Variants in JHY observed in about 807,000 individuals in gnomAD.
JHY encodes the protein jhy protein homolog.
A neutral mutation model predicts 78.0 loss-of-function variants in JHY; 69 were observed. That is an observed-to-expected ratio of 0.88 (90% CI 0.73 to 1.08). The LOEUF is 1.08. JHY is among the 50% of genes least tolerant of loss of function. The probability of loss-of-function intolerance (pLI) is 0.00; values close to 1 mark genes in which losing one functional copy is unlikely to be tolerated. For missense variants in JHY, 944 were observed against 927.8 expected, an observed-to-expected ratio of 1.02 and a Z score of -0.23; for synonymous variants, 368 against 342.6, an observed-to-expected ratio of 1.07 and a Z score of -0.82.
At chr11:122,899,849 A>G (rs548574954) in intron 2 of JHY, among the ~76,000 whole-genome samples, 1 of 152,256 alleles carries the variant, frequency 6.6e-6, no homozygotes, top group Non-Finnish European at 1.5e-5. Flanking sequence ...TTTGCCAACC[A>G]ATGCAGAACA....
At chr11:122,918,936 T>C (rs1863293461) in intron 3 of JHY, among the ~76,000 whole-genome samples, 1 of 152,046 alleles carries the variant, frequency 6.6e-6, no homozygotes, top group Admixed American at 6.5e-5. Context: ...AAAAGCAAAG[T>C]ACAGAGTACT....
At chr11:122,931,303 C>T (rs1427025881) in intron 4 of JHY, among the ~76,000 whole-genome samples, 1 of 152,168 alleles carries the variant, frequency 6.6e-6, no homozygotes, top group Non-Finnish European at 1.5e-5. Context: ...TAACTCTTAG[C>T]TTTCCAGGCA....
chr11:122,934,341 TAA>T (rs1219862490), intron 4 of JHY, 77 bp from the exon 5 acceptor site: 171 of 682,272 alleles, frequency 2.5e-4, no homozygotes, highest in Middle Eastern at 1.6e-3. Context: ...AATAAATAAA[TAA>T]ATAAATAAAT....
In JHY at chr11:122,963,327, A is replaced by C. The variant is rs1864350456; in HGVS notation, c.*3882A>C. On this transcript the variant is annotated 3_prime_UTR_variant, in exon 9 of 9. Coordinates refer to ENST00000227349, the MANE Select transcript of JHY (RefSeq NM_024806.4). ...ACATTTCACAGGATTCTTACCCCCA[A>C]GGCAACTCTTTACTATCCAGTACAT... Among the ~76,000 whole-genome samples, 2 of 152,278 alleles carry C rather than the reference A, an allele frequency of 1.3e-5. No homozygotes were observed. The highest frequency in any genetic ancestry group is 4.8e-5 in the African/African-American group (2 of 41,560).
intron 3 of JHY, among the ~76,000 whole-genome samples, chr11:122,906,248 C>T (rs1012076640): frequency 2.6e-5 from 4 of 152,162 alleles, no homozygotes; most frequent in Non-Finnish European, 4.4e-5. Context: ...AATGCAATCG[C>T]ACGATCATAG....
chr11:122,890,619 A>G (rs1360206656), intron 2 of JHY, among the ~76,000 whole-genome samples: 1 of 152,200 alleles, frequency 6.6e-6, no homozygotes, highest in Non-Finnish European at 1.5e-5. Context: ...CCTTTTGTCC[A>G]GTGCTCAGGG....
At chr11:122,930,681 C>T (rs1326166605) in intron 4 of JHY, among the ~76,000 whole-genome samples, 1 of 152,280 alleles carries the variant, frequency 6.6e-6, no homozygotes, top group East Asian at 1.9e-4. Context: ...CGTCCTGAAT[C>T]GCTTCGCACT....
At chr11:122,915,757 A>G (rs988023000) in intron 3 of JHY, among the ~76,000 whole-genome samples, 1 of 151,636 alleles carries the variant, frequency 6.6e-6, no homozygotes, top group Non-Finnish European at 1.5e-5. Context: ...CAAGTGATCC[A>G]CCCGCCTCAG....
chr11:122,912,724 G>A (rs1863157936), intron 3 of JHY, among the ~76,000 whole-genome samples: 1 of 152,086 alleles, frequency 6.6e-6, no homozygotes, highest in Non-Finnish European at 1.5e-5. Context: ...GGATAACAGA[G>A]TAAGACTCTG....
At chr11:122,905,184 G>A (rs768079265) in intron 3 of JHY, 65 of 1,613,802 alleles carry the variant, frequency 4.0e-5, no homozygotes, top group Non-Finnish European at 4.8e-5. Flanking sequence ...CATTTTGAGA[G>A]TAAATTCTCT....
rs541352761 is a variant in JHY at position 122,937,348 on chromosome 11, T to C, written c.1634+2273T>C. Among the ~76,000 whole-genome samples the C allele has an allele frequency of 1.5e-3, 227 of 152,096 alleles. 1 individual carries two copies. Among genetic ancestry groups the C allele is most frequent in the African/African-American group, 5.2e-3 (217 of 41,482 alleles). ...TTGATCCTACGCTTATGAGTAGCCT[T>C]TTAGTATAAGTTTCCATAAGGACAA... On this transcript the variant is annotated intron_variant, in intron 5 of 8. Transcript: ENST00000227349.
Position 122,883,628 on chromosome 11 carries a change from G to C in JHY, c.-90+656G>C, listed in dbSNP as rs1862434323. Among the ~76,000 whole-genome samples, 3 of 151,626 alleles carry C rather than the reference G, an allele frequency of 2.0e-5. No homozygotes were observed. ...GACGGGAGGAGGGAGCCACATTCATGAAATTTAAACGCCCACTTTCTAACT... is the reference window on the plus strand; with the variant it reads ...GACGGGAGGAGGGAGCCACATTCATCAAATTTAAACGCCCACTTTCTAACT... On this transcript the variant is annotated intron_variant, in intron 1 of 8. Transcript: ENST00000227349. The surrounding 1 kb of genome is among the most constrained non-coding windows in gnomAD (Gnocchi z 4.4).
chr11:122,912,545 G>A (rs1863153517), intron 3 of JHY, among the ~76,000 whole-genome samples: 2 of 152,046 alleles, frequency 1.3e-5, no homozygotes, highest in African/African-American at 4.8e-5. Context: ...TGGCTCTTCA[G>A]CATAGCCCGT....
intron 6 of JHY, among the ~76,000 whole-genome samples, chr11:122,948,759 G>A (rs574964710): frequency 4.6e-5 from 7 of 152,170 alleles, no homozygotes; most frequent in Non-Finnish European, 7.4e-5. Flanking sequence ...TCAGAACTGC[G>A]TCTTAGAGGG....
At position 122,935,856 on chromosome 11, in the gene JHY, T is replaced by C. The variant is rs948890497; in HGVS notation, c.1634+781T>C. On this transcript the variant is annotated intron_variant, in intron 5 of 8. Transcript: ENST00000227349. The surrounding 1 kb of genome is among the most constrained non-coding windows in gnomAD (Gnocchi z 4.5). ...AGTATCATGGAACCACTAAAAATTATGGTTATGAGGAAATGCTTCTATAGG... is the reference window on the plus strand; with the variant it reads ...AGTATCATGGAACCACTAAAAATTACGGTTATGAGGAAATGCTTCTATAGG... 6.6e-6 allele frequency among the ~76,000 whole-genome samples: 1 copy of C among 152,178 alleles called. No individual in the cohort carries two copies. The highest frequency in any genetic ancestry group is 2.4e-5 in the African/African-American group (1 of 41,448).
At chr11:122,925,094 T>A in intron 4 of JHY, 84 bp downstream of exon 4, 2 of 1,071,638 alleles carry the variant, frequency 1.9e-6, no homozygotes, top group Non-Finnish European at 2.8e-6. Flanking sequence ...TCTTATCACT[T>A]AAGGGTTTAT....
At chr11:122,902,991 G>T (rs1296555060) in intron 2 of JHY, among the ~76,000 whole-genome samples, 1 of 152,208 alleles carries the variant, frequency 6.6e-6, no homozygotes, top group Non-Finnish European at 1.5e-5. Context: ...AATTGTGTGT[G>T]CTATACTTTT....
At chr11:122,957,221 C>T in intron 7 of JHY, 142 bp from the exon 8 acceptor site, 1 of 849,500 alleles carries the variant, frequency 1.2e-6, no homozygotes, top group South Asian at 3.6e-5. Flanking sequence ...TTCACTGCTG[C>T]CACCTTACTC....
At chr11:122,890,469 T>G (rs998828120) in intron 2 of JHY, among the ~76,000 whole-genome samples, 25 of 152,080 alleles carry the variant, frequency 1.6e-4, no homozygotes, top group Non-Finnish European at 3.7e-4. Context: ...ATGGGAGTAG[T>G]TTTAGTTATA....
Sources: allele counts gnomAD v4.1 joint callset (sites outside exome capture counted in the v4.1 genomes callset), GRCh38; gene constraint gnomAD v4.1.1; non-coding constraint Gnocchi (gnomAD v3.1); transcripts MANE v1.5; gene names NCBI Gene and HGNC (gene_info 2026-07-23, HGNC 2026-07-21).